STARD3NL: variants seen among roughly 807,000 people sequenced by gnomAD.
STARD3NL encodes the protein STARD3 N-terminal-like protein.
Under a neutral mutation model 30.9 loss-of-function variants are expected in STARD3NL, and 17 were observed. The ratio of observed to expected loss-of-function variants is 0.55; its 90% confidence interval spans 0.38 to 0.82. The LOEUF (loss-of-function observed/expected upper bound fraction) is 0.82. Among genes scored for constraint, STARD3NL ranks in the 40% least tolerant of loss-of-function variants. STARD3NL has a pLI of 0.00. For missense variants in STARD3NL, 234 were observed against 277.6 expected, an observed-to-expected ratio of 0.84 and a Z score of 1.12; for synonymous variants, 112 against 100.5, an observed-to-expected ratio of 1.11 and a Z score of -0.69.
chr7:38,191,811 T>A (rs1272316837), intron 1 of STARD3NL, among the ~76,000 whole-genome samples: 3 of 152,168 alleles, frequency 2.0e-5, no homozygotes, highest in Non-Finnish European at 4.4e-5. Context: ...TTAAGCTAGG[T>A]AATGTGTCTT....
At chr7:38,180,369 A>G (rs1784198334) in intron 1 of STARD3NL, among the ~76,000 whole-genome samples, 3 of 152,042 alleles carry the variant, frequency 2.0e-5, no homozygotes, top group African/African-American at 7.3e-5. Flanking sequence ...ACTCTTTCTT[A>G]TTACCTGTAC....
At chr7:38,180,540 G>A (rs906310840) in intron 1 of STARD3NL, among the ~76,000 whole-genome samples, 4 of 152,162 alleles carry the variant, frequency 2.6e-5, no homozygotes, top group African/African-American at 9.7e-5. Context: ...GATATGCCAG[G>A]TATGTTACAT....
rs546943699 is a variant in STARD3NL, at chr7:38,178,363, C to T, written c.-116C>T. 5 of 152,250 alleles carry T rather than the reference C, an allele frequency of 3.3e-5. No homozygotes were observed. The highest frequency in any genetic ancestry group is 1.2e-4 in the African/African-American group (5 of 41,558). 9.4% of individuals were successfully genotyped at this position (152,250 alleles called of 1,614,324 possible). A position where few individuals can be genotyped will look rare whatever the true frequency, so the allele number is the denominator to read the frequency against. Reference sequence around the variant, plus strand: ...CCCGCCCCTCAGGCCGGGGCGCGACCGCGGATCCGCAGTTCCCGGGCCAGC... The same window carrying T: ...CCCGCCCCTCAGGCCGGGGCGCGACTGCGGATCCGCAGTTCCCGGGCCAGC... On this transcript the variant is annotated 5_prime_UTR_variant, in exon 1 of 9. Coordinates refer to ENST00000009041, the MANE Select transcript of STARD3NL (RefSeq NM_032016.4).
rs201909637 is a variant in STARD3NL at position 38,217,357 on chromosome 7, G to A, written c.553+52G>A. Reference sequence around the variant, plus strand: ...TGAGGCGGACTGGATACCAAGCTGGGAGGAAGAGATGTGGTTTCTTGGTGT... The same window carrying A: ...TGAGGCGGACTGGATACCAAGCTGGAAGGAAGAGATGTGGTTTCTTGGTGT... On this transcript the variant is annotated intron_variant, in intron 6 of 8. Coordinates refer to ENST00000009041, the MANE Select transcript of STARD3NL (RefSeq NM_032016.4). The A allele has an allele frequency of 1.0e-3, 1,593 of 1,560,038 alleles. 1 individual carries two copies. Among genetic ancestry groups the A allele is most frequent in the Middle Eastern group, 1.3e-3 (8 of 5,930 alleles).
intron 1 of STARD3NL, among the ~76,000 whole-genome samples, chr7:38,193,162 C>T (rs939324252): frequency 1.3e-5 from 2 of 152,150 alleles, no homozygotes; most frequent in Non-Finnish European, 2.9e-5. Flanking sequence ...TCAAAATGTA[C>T]ATAATTTCAA....
intron 6 of STARD3NL, among the ~76,000 whole-genome samples, chr7:38,219,029 G>A (rs1052289504): frequency 6.6e-6 from 1 of 152,036 alleles, no homozygotes; most frequent in Non-Finnish European, 1.5e-5. Context: ...TTGTAGGAAG[G>A]CAGGTACTCA....
chr7:38,185,599 A>G (rs1784425610), intron 1 of STARD3NL, among the ~76,000 whole-genome samples: 1 of 152,164 alleles, frequency 6.6e-6, no homozygotes, highest in Non-Finnish European at 1.5e-5. Context: ...TGAGTAGAAG[A>G]TGGCTCTGTC....
intron 1 of STARD3NL, among the ~76,000 whole-genome samples, chr7:38,181,491 A>G (rs1784243071): frequency 6.6e-6 from 1 of 152,326 alleles, no homozygotes; most frequent in African/African-American, 2.4e-5. Flanking sequence ...TAAGGTTTGC[A>G]TATTTTAGTA....
chr7:38,181,016 A>T (rs1268049042), intron 1 of STARD3NL, among the ~76,000 whole-genome samples: 1 of 152,196 alleles, frequency 6.6e-6, no homozygotes, highest in Non-Finnish European at 1.5e-5. Context: ...ATTGTCCATA[A>T]ACTTGTAAAA....
chr7:38,228,793 A>G lies in STARD3NL; in HGVS notation c.650-6A>G. 1 of 1,611,502 alleles carries G rather than the reference A, an allele frequency of 6.2e-7. No homozygotes were observed. Among genetic ancestry groups the G allele is most frequent in the Non-Finnish European group, 8.5e-7 (1 of 1,178,290 alleles). ...CTTTTTCTTTGTCCCCTTCTCCACC[A>G]CGTAGGATCTGAAGAAGCTGAAGAA... On this transcript the variant is annotated splice_polypyrimidine_tract_variant and splice_region_variant and intron_variant, in intron 7 of 8. Coordinates refer to ENST00000009041, the MANE Select transcript of STARD3NL (RefSeq NM_032016.4).
At chr7:38,188,810 A>C (rs1784566846) in intron 1 of STARD3NL, among the ~76,000 whole-genome samples, 1 of 152,192 alleles carries the variant, frequency 6.6e-6, no homozygotes, top group South Asian at 2.1e-4. Context: ...GTTTAGTAAT[A>C]TTTTTAATAT....
chr7:38,180,506 C>T (rs559678547), intron 1 of STARD3NL, among the ~76,000 whole-genome samples: 4 of 152,260 alleles, frequency 2.6e-5, no homozygotes, highest in East Asian at 1.9e-4. Context: ...AGGAACATAA[C>T]GCTTGCCTTT....
chr7:38,201,879 G>A (rs563318122), intron 1 of STARD3NL: 3 of 152,326 alleles, frequency 2.0e-5, no homozygotes, highest in East Asian at 3.9e-4. Context: ...GGTAGAGACA[G>A]GGTTTCCCTA....
chr7:38,193,601 A>G (rs10282163), intron 1 of STARD3NL, among the ~76,000 whole-genome samples: 34,424 of 152,140 alleles, frequency 0.23, 3,939 homozygotes, highest in Middle Eastern at 0.26. Flanking sequence ...CCCAGCCAGG[A>G]TTAGTTTTTA....
At chr7:38,211,067 C>T (rs1562616223) in intron 2 of STARD3NL, among the ~76,000 whole-genome samples, 1 of 152,194 alleles carries the variant, frequency 6.6e-6, no homozygotes, top group Non-Finnish European at 1.5e-5. Flanking sequence ...GATTATAGTT[C>T]ATGTAATTTA....
chr7:38,184,127 G>T (rs1784357289), intron 1 of STARD3NL, among the ~76,000 whole-genome samples: 1 of 152,172 alleles, frequency 6.6e-6, no homozygotes, highest in Non-Finnish European at 1.5e-5. Flanking sequence ...GCTCTTAAAG[G>T]TATATGGGAT....
Position 38,214,348 on chromosome 7 carries a change from C to G in STARD3NL, c.226-9C>G, listed in dbSNP as rs1180239304. ...TCTCCTTGTTTTTGCTTCTTACTCT[C>G]CTTTCTAGGTGAATGGAGGCATTGA... On this transcript the variant is annotated splice_polypyrimidine_tract_variant and intron_variant, in intron 2 of 8. Transcript: ENST00000009041. The G allele has an allele frequency of 6.3e-7, 1 of 1,586,248 alleles. No individual in the cohort carries two copies.
chr7:38,190,455 G>A (rs1562598670), intron 1 of STARD3NL, among the ~76,000 whole-genome samples: 1 of 152,136 alleles, frequency 6.6e-6, no homozygotes, highest in Non-Finnish European at 1.5e-5. Flanking sequence ...TTCATATTGT[G>A]TGTATGTGTG....
intron 7 of STARD3NL, among the ~76,000 whole-genome samples, chr7:38,221,552 C>T (rs1366467564): frequency 3.3e-5 from 5 of 152,164 alleles, no homozygotes; most frequent in Non-Finnish European, 5.9e-5. Context: ...GCAATTTACC[C>T]AATATCACAC....
Sources: gnomAD v4.1 joint callset for allele counts (sites outside exome capture counted in the v4.1 genomes callset) on GRCh38, gnomAD v4.1.1 for gene constraint, MANE v1.5 for transcripts, NCBI Gene and HGNC (gene_info 2026-07-23, HGNC 2026-07-21) for gene names.